Variants in NEK11 observed in about 807,000 individuals in gnomAD.
NEK11 encodes serine/threonine-protein kinase Nek11.
In NEK11, 72 loss-of-function variants were observed where a neutral mutation model predicts 80.7. That is an observed-to-expected ratio of 0.89 (90% confidence interval 0.74 to 1.08). NEK11 has a LOEUF of 1.08. Among genes scored for constraint, NEK11 ranks in the 50% least tolerant of loss-of-function variants. The pLI, the probability that NEK11 is intolerant of heterozygous loss-of-function variation, is 0.00. For missense variants in NEK11, 764 were observed against 763.6 expected, an observed-to-expected ratio of 1.00 and a Z score of -0.01; for synonymous variants, 251 against 260.7, an observed-to-expected ratio of 0.96 and a Z score of 0.36.
chr3:131,119,371 A>T (rs1478783835), intron 5 of NEK11, among the ~76,000 whole-genome samples: 2 of 152,140 alleles, frequency 1.3e-5, no homozygotes, highest in Non-Finnish European at 2.9e-5. Context: ...ACGTTTGCTG[A>T]GGAGGGCTTT....
chr3:131,142,087 A>G (rs902348679), intron 7 of NEK11, among the ~76,000 whole-genome samples: 6 of 152,210 alleles, frequency 3.9e-5, no homozygotes, highest in Non-Finnish European at 7.3e-5. Context: ...TAGTTTTCCC[A>G]GTTCCAGGAC....
intron 17 of NEK11, among the ~76,000 whole-genome samples, chr3:131,303,114 G>A (rs1273636501): frequency 2.0e-5 from 3 of 152,002 alleles, no homozygotes; most frequent in African/African-American, 7.3e-5. Context: ...ATTATTGTTG[G>A]TAAAAAGTCT....
At chr3:131,109,985 G>T in intron 5 of NEK11, 64 bp downstream of exon 5, 1 of 1,507,434 alleles carries the variant, frequency 6.6e-7, no homozygotes, top group South Asian at 1.3e-5. Flanking sequence ...AACTTGAAAA[G>T]TGAATTTTTT....
rs74828763 is a variant in NEK11 at position 131,204,816 on chromosome 3, G to A, written c.1400-23712G>A. On this transcript the variant is annotated intron_variant, in intron 14 of 17. Transcript: ENST00000383366. The stretch of plus-strand genomic sequence containing the variant: ...TAATTTGATGCAAATCAGTAGGCAT[G>A]CCTTGGGCTTTTTCATTGTTTGCAG... Among the ~76,000 whole-genome samples, 658 of 152,220 alleles carry A rather than the reference G, an allele frequency of 4.3e-3. 4 individuals carry two copies. The highest frequency in any genetic ancestry group is 0.014 in the African/African-American group (594 of 41,538).
chr3:131,135,871 A>T (rs1194784422), intron 7 of NEK11, among the ~76,000 whole-genome samples: 1 of 152,170 alleles, frequency 6.6e-6, no homozygotes, highest in Non-Finnish European at 1.5e-5. Context: ...TGCTTTCCAG[A>T]TCAGATGAAT....
At chr3:131,335,156 G>C (rs550204622) in intron 17 of NEK11, among the ~76,000 whole-genome samples, 44 of 152,252 alleles carry the variant, frequency 2.9e-4, no homozygotes, top group African/African-American at 1.1e-3. Context: ...GCCTGGCAGA[G>C]ACACAACCAA....
At chr3:131,282,882 T>A (rs773874860) in intron 17 of NEK11, among the ~76,000 whole-genome samples, 5 of 152,170 alleles carry the variant, frequency 3.3e-5, no homozygotes, top group Non-Finnish European at 5.9e-5. Context: ...AAGTTTATAA[T>A]CGTACCAGCT....
chr3:131,167,890 C>A (rs893462204), intron 12 of NEK11, among the ~76,000 whole-genome samples: 3 of 152,200 alleles, frequency 2.0e-5, no homozygotes, highest in Non-Finnish European at 4.4e-5. Context: ...GTGGTTTATT[C>A]TTTGATCTTC....
chr3:131,080,309 G>A (rs2075055747), intron 3 of NEK11, 114 bp from the exon 4 acceptor site: 2 of 738,404 alleles, frequency 2.7e-6, no homozygotes, highest in Admixed American at 3.0e-5. Context: ...GGCAATACCA[G>A]ATATATGAGT....
At chr3:131,058,024 C>A (rs1033403091) in intron 3 of NEK11, among the ~76,000 whole-genome samples, 2 of 151,836 alleles carry the variant, frequency 1.3e-5, no homozygotes, top group Admixed American at 1.3e-4. Flanking sequence ...GGTTTTAGGT[C>A]TAACATTTAA....
chr3:131,263,848 A>G (rs184665287), intron 16 of NEK11, among the ~76,000 whole-genome samples: 1,797 of 152,022 alleles, frequency 0.012, 50 homozygotes, highest in African/African-American at 0.04. Flanking sequence ...AAAAGTCCCT[A>G]TTTCTCCACA....
intron 14 of NEK11, among the ~76,000 whole-genome samples, chr3:131,209,176 G>C (rs1265800531): frequency 6.6e-6 from 1 of 152,118 alleles, no homozygotes; most frequent in Non-Finnish European, 1.5e-5. Flanking sequence ...TAGCATGAAG[G>C]GCTGTTGAAC....
chr3:131,165,569 G>C lies in NEK11; in HGVS notation c.1176+50G>C, dbSNP rs768945046. 1.2e-5 allele frequency: 13 copies of C among 1,120,078 alleles called. No individual in the cohort carries two copies. The South Asian group carries it at 1.8e-4, about 15-fold the overall frequency. The allele number at this position is 1,120,078 out of a possible 1,614,324, so 69.4% of individuals were successfully genotyped here. ...TTACATAAAAATTTTTCTTGCTTTA[G>C]ATTCATGGCGATGATTGGGTAGGAA... is the stretch of plus-strand genomic sequence containing the variant. On this transcript the variant is annotated intron_variant, in intron 12 of 17. Coordinates refer to ENST00000383366, the MANE Select transcript of NEK11 (RefSeq NM_024800.5).
chr3:131,203,761 GTGTGTGTA>G (rs1560948489), intron 14 of NEK11, among the ~76,000 whole-genome samples: 10 of 33,906 alleles, frequency 2.9e-4, no homozygotes, highest in African/African-American at 1.1e-3. Context: ...GTGTGTGTGT[GTGTGTGTA>G]TATATATATA....
chr3:131,326,710 C>T (rs1190850415), intron 17 of NEK11, among the ~76,000 whole-genome samples: 2 of 152,174 alleles, frequency 1.3e-5, no homozygotes, highest in Non-Finnish European at 2.9e-5. Context: ...ACATCCCTTC[C>T]CATGAAGCAC....
At chr3:131,296,978 A>G (rs2096600806) in intron 17 of NEK11, among the ~76,000 whole-genome samples, 2 of 152,318 alleles carry the variant, frequency 1.3e-5, no homozygotes, top group African/African-American at 4.8e-5. Flanking sequence ...ATGTCCCTAC[A>G]AAGGAAATGA....
At chr3:131,133,447 A>C (rs1487256057) in intron 6 of NEK11, 1 of 294,538 alleles carries the variant, frequency 3.4e-6, no homozygotes, top group Non-Finnish European at 6.5e-6. Context: ...ATTATTGTAA[A>C]TTTAAGAACA....
intron 14 of NEK11, among the ~76,000 whole-genome samples, chr3:131,207,392 G>T (rs1380009831): frequency 1.3e-5 from 2 of 152,110 alleles, no homozygotes; most frequent in Admixed American, 6.5e-5. Context: ...GACCATCCTG[G>T]CTAACACGGT....
At chr3:131,102,274 T>C (rs796875516) in intron 4 of NEK11, among the ~76,000 whole-genome samples, 17 of 152,330 alleles carry the variant, frequency 1.1e-4, no homozygotes, top group African/African-American at 3.8e-4. Flanking sequence ...GCAGTGCCTG[T>C]GGGCTATGTG....
Sources: gnomAD v4.1 joint callset for allele counts (sites outside exome capture counted in the v4.1 genomes callset) on GRCh38, gnomAD v4.1.1 for gene constraint, MANE v1.5 for transcripts, NCBI Gene and HGNC (gene_info 2026-07-23, HGNC 2026-07-21) for gene names.